Variants in STMN2 observed in about 807,000 individuals in gnomAD.
The protein encoded by STMN2 is stathmin 2.
A neutral mutation model predicts 24.1 loss-of-function variants in STMN2; 2 were observed. The ratio of observed to expected loss-of-function variants is 0.08; its 90% CI spans 0.03 to 0.26. STMN2 has a LOEUF of 0.26. Ranked by LOEUF, STMN2 falls within the 10% of genes least tolerant of loss-of-function variation. The pLI is 1.00. For missense variants in STMN2, 114 were observed against 213.6 expected, an observed-to-expected ratio of 0.53 and a Z score of 2.91; for synonymous variants, 83 against 77.5, an observed-to-expected ratio of 1.07 and a Z score of -0.37.
chr8:79,625,152 CTAT>C (rs1471835252), intron 1 of STMN2, among the ~76,000 whole-genome samples: 2 of 152,160 alleles, frequency 1.3e-5, no homozygotes, highest in African/African-American at 4.8e-5. Flanking sequence ...TCATTTTGAA[CTAT>C]TTTTTTATTT....
chr8:79,624,642 A>G (rs11994463), intron 1 of STMN2, among the ~76,000 whole-genome samples: 183 of 152,314 alleles, frequency 1.2e-3, no homozygotes, highest in African/African-American at 4.0e-3. Context: ...TATCCAGAAA[A>G]GTATACATTT....
intron 1 of STMN2, among the ~76,000 whole-genome samples, chr8:79,632,379 A>G: frequency 6.6e-6 from 1 of 152,216 alleles, no homozygotes; most frequent in Non-Finnish European, 1.5e-5. Context: ...AAAAGGAAAA[A>G]AATGAGGTTG....
intron 1 of STMN2, among the ~76,000 whole-genome samples, chr8:79,634,223 A>G (rs768325779): frequency 3.3e-5 from 5 of 152,216 alleles, no homozygotes; most frequent in Non-Finnish European, 7.3e-5. Flanking sequence ...AATGTATTAA[A>G]TGTTTTATGC....
chr8:79,645,024 G>A (rs753937879), intron 3 of STMN2, among the ~76,000 whole-genome samples: 4 of 152,122 alleles, frequency 2.6e-5, no homozygotes, highest in Non-Finnish European at 5.9e-5. Context: ...GCATAGTGGC[G>A]AGTGCCTGTA....
At chr8:79,634,430 T>C (rs1809891500) in intron 1 of STMN2, among the ~76,000 whole-genome samples, 1 of 152,226 alleles carries the variant, frequency 6.6e-6, no homozygotes, top group Admixed American at 6.5e-5. Flanking sequence ...GGACAACATG[T>C]ATTGCTTATT....
At chr8:79,652,377 AT>A (rs1164145014) in intron 3 of STMN2, among the ~76,000 whole-genome samples, 2 of 151,990 alleles carry the variant, frequency 1.3e-5, no homozygotes, top group African/African-American at 4.8e-5. Context: ...GTCTCCTCTT[AT>A]TTCTTTGTGG....
At chr8:79,624,634 T>C (rs562659290) in intron 1 of STMN2, among the ~76,000 whole-genome samples, 3 of 152,136 alleles carry the variant, frequency 2.0e-5, no homozygotes, top group Non-Finnish European at 4.4e-5. Flanking sequence ...AATTATTCTA[T>C]CCAGAAAAGT....
chr8:79,640,540 T>C (rs1157557970), intron 2 of STMN2, among the ~76,000 whole-genome samples: 1 of 152,178 alleles, frequency 6.6e-6, no homozygotes, highest in Non-Finnish European at 1.5e-5. Context: ...AGTGGCTCTA[T>C]CCCTGGCTCC....
chr8:79,637,894 T>C lies in STMN2; in HGVS notation c.115+997T>C, dbSNP rs1191267492. ...GCACCTTTAAAGCCTATTCAAGGACTCAAAGGCATTTACCTTCCAAAGTTA... is the reference window on the plus strand; with the variant it reads ...GCACCTTTAAAGCCTATTCAAGGACCCAAAGGCATTTACCTTCCAAAGTTA... On this transcript the variant is annotated intron_variant, in intron 2 of 4. Transcript: ENST00000220876. Among the ~76,000 whole-genome samples the C allele has an allele frequency of 2.0e-5, 3 of 152,336 alleles. No homozygotes were observed. The East Asian group carries it at 5.8e-4, about 29-fold the overall frequency.
At chr8:79,641,989 C>G (rs1390424555) in intron 3 of STMN2, among the ~76,000 whole-genome samples, 1 of 152,154 alleles carries the variant, frequency 6.6e-6, no homozygotes, top group Non-Finnish European at 1.5e-5. Context: ...GTGTCACCCC[C>G]TTTGTCAGGC....
At chr8:79,622,081 T>C (rs886906125) in intron 1 of STMN2, among the ~76,000 whole-genome samples, 8 of 152,220 alleles carry the variant, frequency 5.3e-5, no homozygotes, top group South Asian at 2.1e-4. Context: ...TAACTGTTCC[T>C]GTTACAGGTA....
At chr8:79,635,494 T>A (rs1248598953) in intron 1 of STMN2, among the ~76,000 whole-genome samples, 1 of 152,096 alleles carries the variant, frequency 6.6e-6, no homozygotes, top group Non-Finnish European at 1.5e-5. Flanking sequence ...AGCTAAGACA[T>A]GGAATCAAAC....
At chr8:79,661,282 C>A (rs1357057958) in intron 4 of STMN2, among the ~76,000 whole-genome samples, 2 of 152,102 alleles carry the variant, frequency 1.3e-5, no homozygotes, top group Non-Finnish European at 2.9e-5. Flanking sequence ...TTTCATCACA[C>A]CCATGCCAAC....
At position 79,647,976 on chromosome 8, in the gene STMN2, C is replaced by A. The variant is rs75870063; in HGVS notation, c.288+6426C>A. Among the ~76,000 whole-genome samples the A allele has an allele frequency of 2.9e-4, 44 of 152,356 alleles. No individual in the cohort carries two copies. In the East Asian group the frequency reaches 8.1e-3, roughly 28 times the overall value. ...ACTATACATCCCAGTTGGCCCAGGA[C>A]AACTCCAGCTAACTCTCGTTGTTTT... On this transcript the variant is annotated intron_variant, in intron 3 of 4. Coordinates refer to ENST00000220876, the MANE Select transcript of STMN2 (RefSeq NM_007029.4).
At chr8:79,617,295 G>A (rs1809406337) in intron 1 of STMN2, among the ~76,000 whole-genome samples, 1 of 152,222 alleles carries the variant, frequency 6.6e-6, no homozygotes, top group East Asian at 1.9e-4. Context: ...CTCCCATGCA[G>A]TGACTGGCTG....
At chr8:79,661,703 G>A (rs1345510438) in intron 4 of STMN2, among the ~76,000 whole-genome samples, 1 of 151,940 alleles carries the variant, frequency 6.6e-6, no homozygotes, top group African/African-American at 2.4e-5. Flanking sequence ...AAGGAACCTG[G>A]TCTTTAGGAA....
intron 3 of STMN2, among the ~76,000 whole-genome samples, chr8:79,646,662 A>C (rs1174368807): frequency 6.6e-6 from 1 of 152,160 alleles, no homozygotes; most frequent in East Asian, 1.9e-4. Flanking sequence ...GAGTGGTAGC[A>C]ACTGAAGTCA....
At chr8:79,629,723 A>T (rs1809754225) in intron 1 of STMN2, among the ~76,000 whole-genome samples, 1 of 152,172 alleles carries the variant, frequency 6.6e-6, no homozygotes, top group African/African-American at 2.4e-5. Context: ...TCCTAAGACA[A>T]CATTTAGGGA....
intron 1 of STMN2, among the ~76,000 whole-genome samples, chr8:79,632,175 CAG>C (rs908452502): frequency 1.3e-5 from 2 of 152,160 alleles, no homozygotes; most frequent in African/African-American, 2.4e-5. Flanking sequence ...CTGGAAATGA[CAG>C]GGGTTTTTTT....
Sources: gnomAD v4.1 joint callset for allele counts (sites outside exome capture counted in the v4.1 genomes callset) on GRCh38, gnomAD v4.1.1 for gene constraint, MANE v1.5 for transcripts, NCBI Gene and HGNC (gene_info 2026-07-23, HGNC 2026-07-21) for gene names.